ASB18: variants seen among roughly 807,000 people sequenced by gnomAD.
ASB18 encodes the protein ankyrin repeat and SOCS box protein 18.
Under a neutral mutation model 33.4 loss-of-function variants are expected in ASB18, and 33 were observed. The ratio of observed to expected loss-of-function variants is 0.99; its 90% CI spans 0.75 to 1.32. The LOEUF (loss-of-function observed/expected upper bound fraction) is 1.32. Ranked by LOEUF, ASB18 falls within the 40% of genes most tolerant of loss-of-function variation. The pLI is 0.00. For synonymous variants in ASB18, 295 were observed against 307.6 expected (o/e 0.96, Z 0.43); for missense variants, 694 against 655.5 (o/e 1.06, Z -0.64).
chr2:236,210,184 G>T (rs373921485), intron 4 of ASB18, among the ~76,000 whole-genome samples: 1 of 152,178 alleles, frequency 6.6e-6, no homozygotes, highest in Non-Finnish European at 1.5e-5. Flanking sequence ...TGTGACTCCA[G>T]TACCAAGCAC....
rs1014804378 is a variant in ASB18, at chr2:236,238,017, G to A, written c.329-61C>T. 2.3e-6 allele frequency: 3 copies of A among 1,326,818 alleles called. No homozygotes were observed. Among genetic ancestry groups the A allele is most frequent in the African/African-American group, 3.1e-5 (2 of 65,530 alleles). The allele number at this position is 1,326,818 out of a possible 1,614,324, so 82.2% of individuals were successfully genotyped here. A position where few individuals can be genotyped will look rare whatever the true frequency, so the allele number is the denominator to read the frequency against. The stretch of plus-strand genomic sequence containing the variant: ...AGGTTAGTTGTGGTGGTGGTGGGCG[G>A]TGTTCCTTAAGGCGGAAAGAAAGTG... On this transcript the variant is annotated intron_variant, in intron 2 of 5. Transcript: ENST00000409749. The surrounding 1 kb of genome is among the most constrained non-coding windows in gnomAD (Gnocchi z 5.2).
chr2:236,224,465 G>T (rs1315061939), intron 3 of ASB18, among the ~76,000 whole-genome samples: 3 of 152,140 alleles, frequency 2.0e-5, no homozygotes, highest in African/African-American at 7.2e-5. Context: ...CCATTGAGGG[G>T]CAGGGAAGGG....
rs1415952592 is a variant in ASB18, at chr2:236,219,315, A to G, written c.597-4449T>C. ...GGTGCAGTTTGATACAAGAACCACA[A>G]CAGAGGTTATTAATAACAAAACCAT... On this transcript the variant is annotated intron_variant, in intron 3 of 5. Coordinates refer to ENST00000409749, the MANE Select transcript of ASB18 (RefSeq NM_212556.4). The surrounding 1 kb of genome is among the most constrained non-coding windows in gnomAD (Gnocchi z 6.4). 6.6e-6 allele frequency among the ~76,000 whole-genome samples: 1 copy of G among 152,218 alleles called. No homozygotes were observed. The highest frequency in any genetic ancestry group is 1.5e-5 in the Non-Finnish European group (1 of 68,038).
Position 236,222,555 on chromosome 2 carries a change from A to G in ASB18, c.597-7689T>C, listed in dbSNP as rs1006584704. On this transcript the variant is annotated intron_variant, in intron 3 of 5. Transcript: ENST00000409749. This position sits in a 1 kb window ranked among gnomAD's most constrained non-coding sequence, Gnocchi z 5.5. ...GTGTGCCCCATGATATAGTTTGGAT[A>G]TTTATCACTGCTGAAATCTCATATT... Among the ~76,000 whole-genome samples, 2 of 152,184 alleles carry G rather than the reference A, an allele frequency of 1.3e-5. No individual in the cohort carries two copies. Among genetic ancestry groups the G allele is most frequent in the African/African-American group, 4.8e-5 (2 of 41,434 alleles).
Position 236,237,996 on chromosome 2 carries a change from T to C in ASB18, c.329-40A>G. ...GTGGGATGTAAGGTCAGGGGGAGGT[T>C]AGTTGTGGTGGTGGTGGGCGGTGTT... is the stretch of plus-strand genomic sequence containing the variant. On this transcript the variant is annotated intron_variant, in intron 2 of 5. Transcript: ENST00000409749. The surrounding 1 kb of genome is among the most constrained non-coding windows in gnomAD (Gnocchi z 6.2). 1.4e-6 allele frequency: 2 copies of C among 1,414,854 alleles called. No homozygotes were observed. Among genetic ancestry groups the C allele is most frequent in the East Asian group, 3.1e-5 (1 of 32,156 alleles). 87.6% of individuals were successfully genotyped at this position (1,414,854 alleles called of 1,614,324 possible).
At position 236,237,918 on chromosome 2, in the gene ASB18, G is replaced by T; in HGVS notation, c.367C>A (p.Pro123Thr). ...CCGTGGGCCGCGGCGATGCACAGGGGCGTGGTGAGCTCACGCTTGTACTCC... is the reference window on the plus strand; with the variant it reads ...CCGTGGGCCGCGGCGATGCACAGGGTCGTGGTGAGCTCACGCTTGTACTCC... ...TLEYKRELTT[P>T]LCIAAAHGHT... The change falls in exon 3 of 6, where the codon CCC becomes ACC. Residue 123 changes from proline to threonine, a missense_variant. By Grantham distance (38) the Pro-to-Thr change is conservative. Coordinates refer to ENST00000409749, the MANE Select transcript of ASB18 (RefSeq NM_212556.4). The surrounding 1 kb of genome is among the most constrained non-coding windows in gnomAD (Gnocchi z 6.2). 1.3e-6 allele frequency: 2 copies of T among 1,505,886 alleles called. No individual in the cohort carries two copies. The highest frequency in any genetic ancestry group is 8.8e-7 in the Non-Finnish European group (1 of 1,133,536). 93.3% of individuals were successfully genotyped at this position (1,505,886 alleles called of 1,614,324 possible). A position where few individuals can be genotyped will look rare whatever the true frequency, so the allele number is the denominator to read the frequency against.
In ASB18 at chr2:236,220,485, C is replaced by G. The variant is rs1276747455; in HGVS notation, c.597-5619G>C. Among the ~76,000 whole-genome samples, 4 of 152,326 alleles carry G rather than the reference C, an allele frequency of 2.6e-5. No individual in the cohort carries two copies. Among genetic ancestry groups the G allele is most frequent in the Non-Finnish European group, 5.9e-5 (4 of 68,030 alleles). The stretch of plus-strand genomic sequence containing the variant: ...CTGATCACCCTCTTTATTCAAAGCC[C>G]TGGAAATGCTGCTTCTCTGCCTCCT... On this transcript the variant is annotated intron_variant, in intron 3 of 5. Coordinates refer to ENST00000409749, the MANE Select transcript of ASB18 (RefSeq NM_212556.4). This position sits in a 1 kb window ranked among gnomAD's most constrained non-coding sequence, Gnocchi z 5.1.
At position 236,214,220 on chromosome 2, in the gene ASB18, A is replaced by G; in HGVS notation, c.1101+142T>C. The G allele has an allele frequency of 1.2e-6, 1 of 869,142 alleles. No individual in the cohort carries two copies. Among genetic ancestry groups the G allele is most frequent in the Non-Finnish European group, 1.7e-6 (1 of 592,522 alleles). 53.8% of individuals were successfully genotyped at this position (869,142 alleles called of 1,614,324 possible). A position where few individuals can be genotyped will look rare whatever the true frequency, so the allele number is the denominator to read the frequency against. ...AGGCTCTCCCACCCCAGACCGGCAG[A>G]GCAGATTCTGCATTTTCACAAGTCC... is the stretch of plus-strand genomic sequence containing the variant. On this transcript the variant is annotated intron_variant, in intron 4 of 5. Coordinates refer to ENST00000409749, the MANE Select transcript of ASB18 (RefSeq NM_212556.4). This position sits in a 1 kb window ranked among gnomAD's most constrained non-coding sequence, Gnocchi z 6.5.
chr2:236,258,012 G>A (rs938739260), intron 1 of ASB18, among the ~76,000 whole-genome samples: 1 of 152,204 alleles, frequency 6.6e-6, no homozygotes, highest in Non-Finnish European at 1.5e-5. Context: ...ACCAGTTTCA[G>A]TTTGAACATA....
rs987137627 is a variant in ASB18, at chr2:236,247,683, T to C, written c.206-6281A>G. 3 of 152,224 alleles carry C rather than the reference T, an allele frequency of 2.0e-5. 1 individual carries two copies. The highest frequency in any genetic ancestry group is 2.0e-4 in the Admixed American group (3 of 15,290). 9.4% of individuals were successfully genotyped at this position (152,224 alleles called of 1,614,324 possible). A position where few individuals can be genotyped will look rare whatever the true frequency, so the allele number is the denominator to read the frequency against. ...GCCAATACATAGCCTCAAGATACAA[T>C]TCAGGTTTTATCTTCTCTGCCAACT... On this transcript the variant is annotated intron_variant, in intron 1 of 5. Coordinates refer to ENST00000409749, the MANE Select transcript of ASB18 (RefSeq NM_212556.4).
intron 3 of ASB18, among the ~76,000 whole-genome samples, chr2:236,227,102 A>G (rs2106274458): frequency 6.6e-6 from 1 of 152,326 alleles, no homozygotes; most frequent in South Asian, 2.1e-4. Context: ...TTAATTTTGA[A>G]CAAGAGAATA....
rs758583322 is a variant in ASB18 at position 236,214,359 on chromosome 2, T to C, written c.1101+3A>G. ...GTGCCAGCCGGGCTGGATCCTGCCT[T>C]ACCTTGGGGAAGGCGTCGGGCCACA... On this transcript the variant is annotated splice_donor_region_variant and intron_variant, in intron 4 of 5. Coordinates refer to ENST00000409749, the MANE Select transcript of ASB18 (RefSeq NM_212556.4). This position sits in a 1 kb window ranked among gnomAD's most constrained non-coding sequence, Gnocchi z 6.5. 1.3e-6 allele frequency: 2 copies of C among 1,572,158 alleles called. No individual in the cohort carries two copies. The highest frequency in any genetic ancestry group is 1.7e-6 in the Non-Finnish European group (2 of 1,162,840).
rs1238318188 is a variant in ASB18, at chr2:236,259,320, C to A, written c.205+4821G>T. ...CCATGCCAATCACTGCACCCAGAGT[C>A]CAAGCTTTCTCTCAGGGTTAATACC... is the stretch of plus-strand genomic sequence containing the variant. On this transcript the variant is annotated intron_variant, in intron 1 of 5. Transcript: ENST00000409749. This position sits in a 1 kb window ranked among gnomAD's most constrained non-coding sequence, Gnocchi z 4.4. 2.0e-5 allele frequency among the ~76,000 whole-genome samples: 3 copies of A among 152,200 alleles called. No homozygotes were observed. The East Asian group carries it at 5.8e-4, about 29-fold the overall frequency.
Position 236,214,366 on chromosome 2 carries a change from G to A in ASB18, c.1097C>T (p.Pro366Leu), listed in dbSNP as rs746797021. 14 of 1,575,108 alleles carry A rather than the reference G, an allele frequency of 8.9e-6. No individual in the cohort carries two copies. In the East Asian group the frequency reaches 3.3e-4, roughly 37 times the overall value. ...CCGGGCTGGATCCTGCCTTACCTTG[G>A]GGAAGGCGTCGGGCCACACGGTGGG... ...GSPTVWPDAF[P>L]KVLKTCASVP... The change falls in exon 4 of 6, where the codon CCC (proline) becomes CTC (leucine). Residue 366 changes from proline to leucine, a missense_variant. Coordinates refer to ENST00000409749, the MANE Select transcript of ASB18 (RefSeq NM_212556.4). The surrounding 1 kb of genome is among the most constrained non-coding windows in gnomAD (Gnocchi z 6.5).
At chr2:236,233,505 A>G (rs2060576236) in intron 3 of ASB18, among the ~76,000 whole-genome samples, 1 of 152,158 alleles carries the variant, frequency 6.6e-6, no homozygotes, top group East Asian at 1.9e-4. Context: ...TTATTTGTAG[A>G]CGACATGATT....
rs938339366 is a variant in ASB18, at chr2:236,208,282, A to T, written c.1101+6080T>A. Among the ~76,000 whole-genome samples the T allele has an allele frequency of 6.6e-6, 1 of 151,710 alleles. No individual in the cohort carries two copies. Among genetic ancestry groups the T allele is most frequent in the Non-Finnish European group, 1.5e-5 (1 of 67,916 alleles). On this transcript the variant is annotated intron_variant, in intron 4 of 5. Coordinates refer to ENST00000409749, the MANE Select transcript of ASB18 (RefSeq NM_212556.4). The surrounding 1 kb of genome is among the most constrained non-coding windows in gnomAD (Gnocchi z 7.7). ...CCCTGTCCCTCTCTGCGCCCCACACATGTTGATATTTCTGGCTCACACGAG... is the reference window on the plus strand; with the variant it reads ...CCCTGTCCCTCTCTGCGCCCCACACTTGTTGATATTTCTGGCTCACACGAG...
rs1231549988 is a variant in ASB18, at chr2:236,262,746, A to G, written c.205+1395T>C. On this transcript the variant is annotated intron_variant, in intron 1 of 5. Transcript: ENST00000409749. This position sits in a 1 kb window ranked among gnomAD's most constrained non-coding sequence, Gnocchi z 5.2. ...AGAGATGGAAGGTACCAAGTTTGGG[A>G]TCATGGCTCCTGGGCCTATGGACCC... Among the ~76,000 whole-genome samples the G allele has an allele frequency of 6.6e-6, 1 of 152,064 alleles. No individual in the cohort carries two copies. Among genetic ancestry groups the G allele is most frequent in the Non-Finnish European group, 1.5e-5 (1 of 68,008 alleles).
chr2:236,230,442 A>G (rs775302789), intron 3 of ASB18, among the ~76,000 whole-genome samples: 6 of 151,344 alleles, frequency 4.0e-5, no homozygotes, highest in Non-Finnish European at 5.9e-5. Flanking sequence ...AATGGTAACT[A>G]TATGAGTAAA....
In ASB18 at chr2:236,228,338, G is replaced by A. The variant is rs1014125551; in HGVS notation, c.596+9351C>T. Among the ~76,000 whole-genome samples the A allele has an allele frequency of 2.8e-5, 3 of 107,086 alleles. No homozygotes were observed. The African/African-American group carries it at 2.9e-4, about 10-fold the overall frequency. 70.3% of individuals were successfully genotyped at this position (107,086 alleles called of 152,430 possible). A position where few individuals can be genotyped will look rare whatever the true frequency, so the allele number is the denominator to read the frequency against. The stretch of plus-strand genomic sequence containing the variant: ...GGGTTCTATGAAGGGGACCCCAGCA[G>A]AGCCTGGTGAGCTGAGTGGAGGAGA... On this transcript the variant is annotated intron_variant, in intron 3 of 5. Coordinates refer to ENST00000409749, the MANE Select transcript of ASB18 (RefSeq NM_212556.4). The surrounding 1 kb of genome is among the most constrained non-coding windows in gnomAD (Gnocchi z 5.1).
Sources: allele counts gnomAD v4.1 joint callset (sites outside exome capture counted in the v4.1 genomes callset), GRCh38; gene constraint gnomAD v4.1.1; non-coding constraint Gnocchi (gnomAD v3.1); transcripts MANE v1.5; gene names NCBI Gene and HGNC (gene_info 2026-07-23, HGNC 2026-07-21).